Variants in MAP2K5 observed in about 807,000 individuals in gnomAD.
MAP2K5 encodes the protein dual specificity mitogen-activated protein kinase kinase 5.
In MAP2K5, 49 loss-of-function variants were observed where a neutral mutation model predicts 83.1. That is an observed-to-expected ratio of 0.59 (90% CI 0.47 to 0.75). The LOEUF is 0.75. Among genes scored for constraint, MAP2K5 ranks in the 30% least tolerant of loss-of-function variants. The pLI is 0.00. For synonymous variants in MAP2K5, 202 were observed against 191.8 expected (o/e 1.05, Z -0.44); for missense variants, 457 against 557.5 (o/e 0.82, Z 1.82).
chr15:67,624,068 A>C (rs527698103), intron 8 of MAP2K5, among the ~76,000 whole-genome samples: 1 of 150,322 alleles, frequency 6.7e-6, no homozygotes, highest in African/African-American at 2.4e-5. Context: ...GGCCGGGCGC[A>C]GTGGCTCACA....
At chr15:67,679,605 G>A (rs2087766620) in intron 13 of MAP2K5, 1 of 151,950 alleles carries the variant, frequency 6.6e-6, no homozygotes, top group South Asian at 2.1e-4. Context: ...GGTTTATCAG[G>A]CCTAGAGCAT....
rs558922450 is a variant in MAP2K5, at chr15:67,760,060, T to G, written c.1135-9542T>G. 6.6e-6 allele frequency among the ~76,000 whole-genome samples: 1 copy of G among 152,346 alleles called. No individual in the cohort carries two copies. The highest frequency in any genetic ancestry group is 2.1e-4 in the South Asian group (1 of 4,834). ...ATCTTTAGAAATCTAATACCTTCTT[T>G]GAAAAGTCCAGTGTGTTTAAATTAA... On this transcript the variant is annotated intron_variant, in intron 19 of 21. Coordinates refer to ENST00000178640, the MANE Select transcript of MAP2K5 (RefSeq NM_145160.3). The surrounding 1 kb of genome is among the most constrained non-coding windows in gnomAD (Gnocchi z 4.1).
intron 12 of MAP2K5, 160 bp downstream of exon 12, chr15:67,658,774 A>G: frequency 1.5e-6 from 1 of 668,114 alleles, no homozygotes; most frequent in African/African-American, 1.8e-5. Context: ...TTCATAGACC[A>G]GCCCACCCAA....
rs1014841638 is a variant in MAP2K5 at position 67,778,430 on chromosome 15, A to C, written c.1242+5678A>C. On this transcript the variant is annotated intron_variant, in intron 21 of 21. Transcript: ENST00000178640. The surrounding 1 kb of genome is among the most constrained non-coding windows in gnomAD (Gnocchi z 5.0). ...ATGGCTTTGTTTCATTGTTAGACCC[A>C]AATCTTCTGATCACTGTGAAAGACA... is the stretch of plus-strand genomic sequence containing the variant. Among the ~76,000 whole-genome samples, 17 of 152,350 alleles carry C rather than the reference A, an allele frequency of 1.1e-4. 1 individual carries two copies. Among genetic ancestry groups the C allele is most frequent in the African/African-American group, 3.8e-4 (16 of 41,574 alleles).
chr15:67,619,574 A>G (rs2086133583), intron 8 of MAP2K5, among the ~76,000 whole-genome samples: 1 of 152,238 alleles, frequency 6.6e-6, no homozygotes, highest in African/African-American at 2.4e-5. Context: ...ACTTACAATA[A>G]AGTAGAACAT....
intron 7 of MAP2K5, among the ~76,000 whole-genome samples, chr15:67,597,108 G>A (rs1393608406): frequency 6.6e-6 from 1 of 151,366 alleles, no homozygotes; most frequent in Non-Finnish European, 1.5e-5. Flanking sequence ...GGCGGAGCTT[G>A]CAGTGAGCCG....
chr15:67,657,261 C>A (rs974259414), intron 11 of MAP2K5, among the ~76,000 whole-genome samples: 79 of 152,054 alleles, frequency 5.2e-4, no homozygotes, highest in African/African-American at 1.9e-3. Context: ...AAGTAAATCT[C>A]CTCTTAGAAG....
rs2088978559 is a variant in MAP2K5 at position 67,722,182 on chromosome 15, T to C, written c.1045-5734T>C. Among the ~76,000 whole-genome samples, 2 of 152,168 alleles carry C rather than the reference T, an allele frequency of 1.3e-5. No individual in the cohort carries two copies. Among genetic ancestry groups the C allele is most frequent in the Non-Finnish European group, 2.9e-5 (2 of 68,014 alleles). On this transcript the variant is annotated intron_variant, in intron 16 of 21. Coordinates refer to ENST00000178640, the MANE Select transcript of MAP2K5 (RefSeq NM_145160.3). This position sits in a 1 kb window ranked among gnomAD's most constrained non-coding sequence, Gnocchi z 4.2. ...CATCAGTCTCTGTTACTCGCACTTA[T>C]GCCCCTCCACAGGGGTTGCAGATTC...
chr15:67,772,867 T>G (rs1225936059), intron 21 of MAP2K5, 115 bp downstream of exon 21: 1 of 694,472 alleles, frequency 1.4e-6, no homozygotes, highest in Admixed American at 3.2e-5. Context: ...AAAGGCAACA[T>G]TATTTACTTC....
chr15:67,602,365 A>T (rs2141028797), intron 8 of MAP2K5, among the ~76,000 whole-genome samples: 1 of 152,334 alleles, frequency 6.6e-6, no homozygotes, highest in Non-Finnish European at 1.5e-5. Context: ...CTTTATGCTG[A>T]TAGCCAAATA....
rs947362561 is a variant in MAP2K5 at position 67,562,228 on chromosome 15, C to T, written c.185-1055C>T. On this transcript the variant is annotated intron_variant, in intron 2 of 21. Coordinates refer to ENST00000178640, the MANE Select transcript of MAP2K5 (RefSeq NM_145160.3). This position sits in a 1 kb window ranked among gnomAD's most constrained non-coding sequence, Gnocchi z 4.1. ...TTTACAGTCTACTACATAGGCTGTC[C>T]TCACTGTTGACAAATCTTTATAGAA... Among the ~76,000 whole-genome samples, 1 of 152,102 alleles carries T rather than the reference C, an allele frequency of 6.6e-6. No homozygotes were observed. Among genetic ancestry groups the T allele is most frequent in the South Asian group, 2.1e-4 (1 of 4,820 alleles).
intron 19 of MAP2K5, among the ~76,000 whole-genome samples, chr15:67,762,565 CAA>C (rs5813455): frequency 0.015 from 1,854 of 119,848 alleles, 20 homozygotes; most frequent in Non-Finnish European, 0.017. Flanking sequence ...AAATGACAGA[CAA>C]AAAAAAAAAA....
intron 13 of MAP2K5, among the ~76,000 whole-genome samples, chr15:67,686,853 G>A (rs1567360823): frequency 6.6e-6 from 1 of 152,164 alleles, no homozygotes; most frequent in South Asian, 2.1e-4. Context: ...CTGGGGGTAG[G>A]AGGGAGATGG....
chr15:67,743,773 C>T (rs933041532), intron 17 of MAP2K5, among the ~76,000 whole-genome samples: 1 of 152,162 alleles, frequency 6.6e-6, no homozygotes, highest in Non-Finnish European at 1.5e-5. Flanking sequence ...GGTACCTACC[C>T]TTGGGTAGGA....
At chr15:67,549,038 C>T (rs1567265523) in intron 1 of MAP2K5, 4 of 1,486,294 alleles carry the variant, frequency 2.7e-6, no homozygotes, top group Non-Finnish European at 3.6e-6. Flanking sequence ...CTTGGAAAGG[C>T]TGTGGGCTCC....
rs536571934 is a variant in MAP2K5 at position 67,774,920 on chromosome 15, A to T, written c.1242+2168A>T. On this transcript the variant is annotated intron_variant, in intron 21 of 21. Coordinates refer to ENST00000178640, the MANE Select transcript of MAP2K5 (RefSeq NM_145160.3). This position sits in a 1 kb window ranked among gnomAD's most constrained non-coding sequence, Gnocchi z 4.9. ...CTCCATTTCCAAATCAAAGAAAGAAAATTAGAGATGGGCAGCTGGAAATAC... is the reference window on the plus strand; with the variant it reads ...CTCCATTTCCAAATCAAAGAAAGAATATTAGAGATGGGCAGCTGGAAATAC... Among the ~76,000 whole-genome samples, 1 of 152,348 alleles carries T rather than the reference A, an allele frequency of 6.6e-6. No homozygotes were observed. Among genetic ancestry groups the T allele is most frequent in the South Asian group, 2.1e-4 (1 of 4,832 alleles).
intron 19 of MAP2K5, among the ~76,000 whole-genome samples, chr15:67,751,560 G>A (rs1275188180): frequency 2.0e-5 from 3 of 152,144 alleles, no homozygotes; most frequent in East Asian, 1.9e-4. Flanking sequence ...GGAATAAGTC[G>A]GCCCCTATTG....
chr15:67,709,154 A>G (rs562465622), intron 16 of MAP2K5, among the ~76,000 whole-genome samples: 6 of 152,274 alleles, frequency 3.9e-5, no homozygotes, highest in Admixed American at 6.5e-5. Context: ...CCTCCTGTGG[A>G]TTAGTTATGG....
chr15:67,711,196 A>G (rs1386749107), intron 16 of MAP2K5, among the ~76,000 whole-genome samples: 1 of 152,210 alleles, frequency 6.6e-6, no homozygotes, highest in Non-Finnish European at 1.5e-5. Context: ...AATCTTTTTG[A>G]CTCAAATTTT....
Sources: allele counts gnomAD v4.1 joint callset (sites outside exome capture counted in the v4.1 genomes callset), GRCh38; gene constraint gnomAD v4.1.1; non-coding constraint Gnocchi (gnomAD v3.1); transcripts MANE v1.5; gene names NCBI Gene and HGNC (gene_info 2026-07-23, HGNC 2026-07-21).